Variants in CPT1A observed in about 807,000 individuals in gnomAD.
The protein encoded by CPT1A is carnitine palmitoyltransferase 1A.
Under a neutral mutation model 100.8 loss-of-function variants are expected in CPT1A, and 64 were observed. The observed-to-expected ratio is 0.63, with a 90% confidence interval of 0.52 to 0.78. The LOEUF (loss-of-function observed/expected upper bound fraction) is 0.78. Ranked by LOEUF, CPT1A falls within the 30% of genes least tolerant of loss-of-function variation. CPT1A has a pLI of 0.00. For synonymous variants in CPT1A, 363 were observed against 396.0 expected (o/e 0.92, Z 0.99); for missense variants, 802 against 1,034.1 (o/e 0.78, Z 3.08).
At chr11:68,821,957 T>C (rs1455698685) in intron 1 of CPT1A, among the ~76,000 whole-genome samples, 1 of 152,214 alleles carries the variant, frequency 6.6e-6, no homozygotes, top group Non-Finnish European at 1.5e-5. Flanking sequence ...GGAGGATGGC[T>C]AGTATCACAA....
At chr11:68,791,386 C>T (rs180936224) in intron 9 of CPT1A, among the ~76,000 whole-genome samples, 108 of 152,328 alleles carry the variant, frequency 7.1e-4, no homozygotes, top group African/African-American at 2.5e-3. Flanking sequence ...TTTCCTCCAC[C>T]TCGTTGCCCA....
chr11:68,834,991 T>C (rs1460014088), intron 1 of CPT1A, among the ~76,000 whole-genome samples: 1 of 63,558 alleles, frequency 1.6e-5, no homozygotes, highest in African/African-American at 6.9e-5. Context: ...AGGGCGAGAC[T>C]CCATCTCAAA....
At chr11:68,840,864 G>A (rs369658224) in intron 1 of CPT1A, among the ~76,000 whole-genome samples, 5 of 152,282 alleles carry the variant, frequency 3.3e-5, no homozygotes, top group African/African-American at 9.6e-5. Context: ...GCCAGGGCAC[G>A]GCCACGTGAC....
Position 68,762,696 on chromosome 11 carries a change from C to T in CPT1A, c.1806G>A (p.Thr602=), listed in dbSNP as rs866075317. 21 of 1,614,054 alleles carry T rather than the reference C, an allele frequency of 1.3e-5. No homozygotes were observed. In the Middle Eastern group the frequency reaches 6.6e-4, roughly 51 times the overall value. ...CAGTGGTGCAGGAGCGCACGGTCTC[C>T]GTCCTCCCCTCTCGGAAGAGCCGGG... ...SMTRLFREGR[T]ETVRSCTTES... is the part of the protein sequence containing the mutation. The change falls in exon 15 of 19, where the codon ACG becomes ACA. Residue 602 remains threonine (T), a synonymous_variant. Coordinates refer to ENST00000265641, the MANE Select transcript of CPT1A (RefSeq NM_001876.4).
Position 68,841,903 on chromosome 11 carries a change from G to A in CPT1A, c.-142C>T, listed in dbSNP as rs1187616824. The A allele has an allele frequency of 1.5e-5, 15 of 985,878 alleles. No homozygotes were observed. Among genetic ancestry groups the A allele is most frequent in the Non-Finnish European group, 1.8e-5 (15 of 830,282 alleles). 61.1% of individuals were successfully genotyped at this position (985,878 alleles called of 1,614,324 possible). The stretch of plus-strand genomic sequence containing the variant: ...GGCGAGGCCGAGCGCACCCGACGCC[G>A]GCAGCAGCGGATTGGCTGAGGCGGG... On this transcript the variant is annotated 5_prime_UTR_variant, in exon 1 of 19. Transcript: ENST00000265641. This position sits in a 1 kb window ranked among gnomAD's most constrained non-coding sequence, Gnocchi z 6.3.
chr11:68,795,940 T>A (rs1855746035), intron 7 of CPT1A, among the ~76,000 whole-genome samples: 1 of 149,890 alleles, frequency 6.7e-6, no homozygotes. Context: ...AGTAAATGAT[T>A]AAAAAATAAA....
At chr11:68,838,572 TAAAAAA>T (rs1210532617) in intron 1 of CPT1A, among the ~76,000 whole-genome samples, 1 of 95,514 alleles carries the variant, frequency 1.0e-5, no homozygotes, top group African/African-American at 5.1e-5. Flanking sequence ...TGCACCTTTT[TAAAAAA>T]AAAAAAAAAA....
intron 1 of CPT1A, chr11:68,839,642 G>T (rs1360845815): frequency 2.0e-6 from 2 of 985,392 alleles, no homozygotes; most frequent in Non-Finnish European, 1.2e-6. Flanking sequence ...CATCCAACGA[G>T]CCAGAAACGC....
At chr11:68,843,141 C>A (rs983862009), upstream of CPT1A, among the ~76,000 whole-genome samples, 1 of 151,514 alleles carries the variant, frequency 6.6e-6, no homozygotes, top group African/African-American at 2.4e-5. This position sits in a 1 kb window ranked among gnomAD's most constrained non-coding sequence, Gnocchi z 4.0. Flanking sequence ...ACCACCGCTG[C>A]AGTTAACTCT....
rs547729806 is a variant in CPT1A, at chr11:68,821,029, C to T, written c.-13-5542G>A. Among the ~76,000 whole-genome samples, 29 of 152,352 alleles carry T rather than the reference C, an allele frequency of 1.9e-4. No individual in the cohort carries two copies. The South Asian group carries it at 6.0e-3, about 32-fold the overall frequency. On this transcript the variant is annotated intron_variant, in intron 1 of 18. Coordinates refer to ENST00000265641, the MANE Select transcript of CPT1A (RefSeq NM_001876.4). ...TATTTTTTTGAGACACAGTCTCGCT[C>T]TGTCCCCCAGGTGGGAGTTCAGTGG...
chr11:68,796,385 C>T lies in CPT1A; in HGVS notation c.771+471G>A, dbSNP rs771985261. Among the ~76,000 whole-genome samples, 3 of 152,034 alleles carry T rather than the reference C, an allele frequency of 2.0e-5. No homozygotes were observed. The South Asian group carries it at 6.2e-4, about 32-fold the overall frequency. On this transcript the variant is annotated intron_variant, in intron 7 of 18. Transcript: ENST00000265641. ...CAGCCTGGATAACATGGTCAAACCC[C>T]GTCTCTACTAAAATACAAAAATTAG...
chr11:68,820,014 ACGTT>A (rs1452307134), intron 1 of CPT1A, among the ~76,000 whole-genome samples: 4 of 67,260 alleles, frequency 5.9e-5, no homozygotes, highest in Admixed American at 1.8e-4. Context: ...TACAGTTTGC[ACGTT>A]TGTTTGTTTG....
intron 12 of CPT1A, 102 bp from the exon 13 acceptor site, chr11:68,775,534 G>A (rs2153997119): frequency 1.1e-6 from 1 of 941,524 alleles, no homozygotes; most frequent in East Asian, 2.4e-5. Context: ...ATGTTACAAA[G>A]TTTGAATCAC....
In CPT1A at chr11:68,807,637, T is replaced by C. The variant is rs1458201145; in HGVS notation, c.283A>G (p.Asn95Asp). Residue 95 changes from asparagine (N) to aspartate (D), a missense_variant and splice_region_variant, in exon 4 of 19, where the codon AAC becomes GAC. Around this residue, in one of 4 missense-constraint regions of CPT1A, gnomAD observed 161 missense variants for 183.7 expected, o/e 0.88. Transcript: ENST00000265641. Reference sequence around the variant, plus strand: ...TTCTTCGTCTGGCTGGACATGCAGTTGCTGTGGAGACAGACCCAGACAAGG... The same window carrying C: ...TTCTTCGTCTGGCTGGACATGCAGTCGCTGTGGAGACAGACCCAGACAAGG... ...AKINRTLETA[N>D]CMSSQTKNVV... 6.2e-7 allele frequency: 1 copy of C among 1,613,936 alleles called. No homozygotes were observed. Among genetic ancestry groups the C allele is most frequent in the East Asian group, 2.2e-5 (1 of 44,866 alleles).
chr11:68,802,954 G>C (rs1008133768), intron 5 of CPT1A, among the ~76,000 whole-genome samples: 39 of 148,128 alleles, frequency 2.6e-4, no homozygotes, highest in African/African-American at 9.6e-4. Flanking sequence ...CTTTGAGGAT[G>C]AAATGACAGG....
intron 1 of CPT1A, among the ~76,000 whole-genome samples, chr11:68,817,948 GA>G (rs1856479061): frequency 1.3e-5 from 2 of 152,220 alleles, no homozygotes; most frequent in African/African-American, 4.8e-5. Flanking sequence ...GTTTGGAGAG[GA>G]AGGCAGAGGC....
At chr11:68,821,025 C>A (rs1349508034) in intron 1 of CPT1A, among the ~76,000 whole-genome samples, 2 of 152,202 alleles carry the variant, frequency 1.3e-5, no homozygotes, top group African/African-American at 4.8e-5. Context: ...GACACAGTCT[C>A]GCTCTGTCCC....
chr11:68,840,243 T>C (rs1332079480), intron 1 of CPT1A, among the ~76,000 whole-genome samples: 1 of 152,208 alleles, frequency 6.6e-6, no homozygotes, highest in African/African-American at 2.4e-5. Flanking sequence ...GTCCTCAATT[T>C]ATTGCTACGT....
intron 5 of CPT1A, 64 bp from the exon 6 acceptor site, chr11:68,799,419 G>A (rs1855843525): frequency 6.4e-7 from 1 of 1,562,920 alleles, no homozygotes. Context: ...GCCTATGTTT[G>A]CCTCACTTGT....
Sources: gnomAD v4.1 joint callset for allele counts (sites outside exome capture counted in the v4.1 genomes callset) on GRCh38, gnomAD v4.1.1 for gene constraint, gnomAD v4.1.1 regional missense constraint, Gnocchi (gnomAD v3.1) non-coding constraint, MANE v1.5 for transcripts, NCBI Gene and HGNC (gene_info 2026-07-23, HGNC 2026-07-21) for gene names.